The following GDPD4 variants were observed in gnomAD, a reference collection of about 807,000 sequenced individuals.
GDPD4 encodes the protein glycerophosphodiester phosphodiesterase domain containing 4.
GDPD4 carries 60 observed loss-of-function variants against 67.8 expected under a neutral mutation model. That is an observed-to-expected ratio of 0.88 (90% CI 0.72 to 1.10). The LOEUF is 1.10. Ranked by LOEUF, GDPD4 falls within the 50% of genes least tolerant of loss-of-function variation. The pLI, the probability that GDPD4 is intolerant of heterozygous loss-of-function variation, is 0.00. For synonymous variants in GDPD4, 212 were observed against 210.9 expected (o/e 1.00, Z -0.04); for missense variants, 623 against 613.9 (o/e 1.01, Z -0.16).
At chr11:77,285,392 C>T (rs1213866281) in intron 2 of GDPD4, among the ~76,000 whole-genome samples, 2 of 152,128 alleles carry the variant, frequency 1.3e-5, no homozygotes, top group African/African-American at 4.8e-5. Context: ...TGGAATTATG[C>T]ATTTATGTTT....
At chr11:77,263,507 T>C (rs1161601224) in intron 10 of GDPD4, among the ~76,000 whole-genome samples, 2 of 152,072 alleles carry the variant, frequency 1.3e-5, no homozygotes, top group Middle Eastern at 3.2e-3. Flanking sequence ...GCTCCATTAG[T>C]CCAAAAGGAG....
chr11:77,245,542 C>A, intron 11 of GDPD4, 40 bp from the exon 12 acceptor site: 1 of 1,417,854 alleles, frequency 7.1e-7, no homozygotes, highest in Non-Finnish European at 9.9e-7. Flanking sequence ...AAAGCACTTT[C>A]CAGTTCTCCT....
intron 1 of GDPD4, among the ~76,000 whole-genome samples, chr11:77,291,844 A>G (rs1301342863): frequency 1.3e-5 from 2 of 152,164 alleles, no homozygotes; most frequent in Non-Finnish European, 2.9e-5. Flanking sequence ...CAGCCTGACC[A>G]ACATGGAGAA....
At chr11:77,294,387 A>G (rs1306258991) in intron 1 of GDPD4, among the ~76,000 whole-genome samples, 1 of 152,224 alleles carries the variant, frequency 6.6e-6, no homozygotes, top group Non-Finnish European at 1.5e-5. Context: ...AATAGTAACA[A>G]ACACATACTT....
chr11:77,256,318 T>G (rs565960899), intron 11 of GDPD4, among the ~76,000 whole-genome samples: 2 of 152,346 alleles, frequency 1.3e-5, no homozygotes, highest in African/African-American at 4.8e-5. Context: ...ACCTCTAGTT[T>G]TTATGTGTCT....
intron 1 of GDPD4, among the ~76,000 whole-genome samples, chr11:77,298,905 TA>T (rs1275362156): frequency 6.6e-6 from 1 of 152,074 alleles, no homozygotes; most frequent in African/African-American, 2.4e-5. Context: ...TAGGGTTAAA[TA>T]AAACACATCT....
intron 1 of GDPD4, among the ~76,000 whole-genome samples, chr11:77,293,508 T>C (rs1390838316): frequency 6.6e-6 from 1 of 151,596 alleles, no homozygotes; most frequent in Non-Finnish European, 1.5e-5. Context: ...GGCAGGAGGA[T>C]TGCTTGAGCC....
intron 10 of GDPD4, among the ~76,000 whole-genome samples, chr11:77,263,141 C>G (rs1959152238): frequency 6.6e-6 from 1 of 151,176 alleles, no homozygotes; most frequent in Non-Finnish European, 1.5e-5. Context: ...AATTATTAGA[C>G]AAAAAGGAAA....
At position 77,228,414 on chromosome 11, in the gene GDPD4, C is replaced by T. The variant is rs190524857; in HGVS notation, c.1473-498G>A. Among the ~76,000 whole-genome samples the T allele has an allele frequency of 6.0e-3, 849 of 142,500 alleles. 10 individuals are homozygous for T. The highest frequency in any genetic ancestry group is 0.019 in the African/African-American group (753 of 38,884). 93.5% of individuals were successfully genotyped at this position (142,500 alleles called of 152,430 possible). A position where few individuals can be genotyped will look rare whatever the true frequency, so the allele number is the denominator to read the frequency against. On this transcript the variant is annotated intron_variant, in intron 15 of 16. Transcript: ENST00000315938. Reference sequence around the variant, plus strand: ...ACTCGGGAGGCTGAGGCAGGAGAATCGCTTGAACCCAGGAGGCGGAGGTTG... The same window carrying T: ...ACTCGGGAGGCTGAGGCAGGAGAATTGCTTGAACCCAGGAGGCGGAGGTTG...
rs929434604 is a variant in GDPD4 at position 77,294,196 on chromosome 11, T to C, written c.-253-6776A>G. ...ATATCTGAAGTTTAGTTACCAGTAA[T>C]GTACTAACGTTATCTTAGTTTTAAC... is the stretch of plus-strand genomic sequence containing the variant. On this transcript the variant is annotated intron_variant, in intron 1 of 16. Coordinates refer to ENST00000315938, the MANE Select transcript of GDPD4 (RefSeq NM_182833.3). Among the ~76,000 whole-genome samples the C allele has an allele frequency of 3.3e-5, 5 of 152,290 alleles. No individual in the cohort carries two copies. In the East Asian group the frequency reaches 7.7e-4, roughly 23 times the overall value.
At chr11:77,287,473 C>T (rs1300839959) in intron 1 of GDPD4, 53 bp from the exon 2 acceptor site, 1 of 152,088 alleles carries the variant, frequency 6.6e-6, no homozygotes, top group African/African-American at 2.4e-5. Context: ...CTTAATGTAC[C>T]TTATCCCACC....
chr11:77,230,092 G>C (rs1404378340), intron 14 of GDPD4, among the ~76,000 whole-genome samples: 1 of 152,144 alleles, frequency 6.6e-6, no homozygotes, highest in African/African-American at 2.4e-5. Flanking sequence ...AAGCACTTCA[G>C]GGGTATTTAC....
intron 16 of GDPD4, among the ~76,000 whole-genome samples, chr11:77,224,939 CTTTTT>C (rs200235129): frequency 7.0e-6 from 1 of 143,404 alleles, no homozygotes; most frequent in African/African-American, 2.6e-5. Context: ...CCATCTCTAC[CTTTTT>C]TTTTTTTTAA....
At chr11:77,217,910 G>A (rs939397613) in intron 16 of GDPD4, among the ~76,000 whole-genome samples, 1 of 152,150 alleles carries the variant, frequency 6.6e-6, no homozygotes, top group East Asian at 1.9e-4. Flanking sequence ...GAAATTGCAT[G>A]GCCAAAATCT....
At chr11:77,238,491 G>A (rs913650673) in intron 13 of GDPD4, among the ~76,000 whole-genome samples, 1 of 151,638 alleles carries the variant, frequency 6.6e-6, no homozygotes, top group African/African-American at 2.4e-5. Context: ...GGCTGAGGCA[G>A]GAGAATCACT....
intron 1 of GDPD4, among the ~76,000 whole-genome samples, chr11:77,291,770 C>A (rs1399567821): frequency 2.0e-5 from 3 of 152,152 alleles, no homozygotes; most frequent in African/African-American, 4.8e-5. Context: ...GTGGCTCATG[C>A]CTGTAATCCC....
intron 16 of GDPD4, among the ~76,000 whole-genome samples, chr11:77,218,839 G>A (rs530306236): frequency 9.4e-3 from 249 of 26,398 alleles, no homozygotes; most frequent in Middle Eastern, 0.026. Flanking sequence ...GAATAGTGCC[G>A]CAATAAACAA....
intron 5 of GDPD4, among the ~76,000 whole-genome samples, chr11:77,273,941 G>C (rs1030879393): frequency 1.3e-5 from 2 of 152,294 alleles, no homozygotes; most frequent in East Asian, 3.9e-4. Flanking sequence ...CCTGAAAAAA[G>C]GTGAGAGATG....
chr11:77,228,640 T>G (rs1203366625), intron 15 of GDPD4, among the ~76,000 whole-genome samples: 1 of 151,560 alleles, frequency 6.6e-6, no homozygotes, highest in African/African-American at 2.4e-5. Context: ...ATCATGCCAC[T>G]GCATGCCACC....
Sources: gnomAD v4.1 joint callset for allele counts (sites outside exome capture counted in the v4.1 genomes callset) on GRCh38, gnomAD v4.1.1 for gene constraint, MANE v1.5 for transcripts, NCBI Gene and HGNC (gene_info 2026-07-23, HGNC 2026-07-21) for gene names.